Variants in THADA observed in about 807,000 individuals in gnomAD.
THADA encodes the protein THADA armadillo repeat containing, also known as tRNA (32-2'-O)-methyltransferase regulator THADA.
THADA carries 213 observed loss-of-function variants against 219.8 expected under a neutral mutation model. The ratio of observed to expected loss-of-function variants is 0.97; its 90% CI spans 0.87 to 1.09. The LOEUF (loss-of-function observed/expected upper bound fraction) is 1.09, where lower values mean the gene tolerates loss of function less well. Ranked by LOEUF, THADA falls within the 50% of genes least tolerant of loss-of-function variation. The pLI is 0.00. For synonymous variants in THADA, 1,018 were observed against 828.9 expected (o/e 1.23, Z -3.92); for missense variants, 2,956 against 2,311.3 (o/e 1.28, Z -5.72).
intron 30 of THADA, among the ~76,000 whole-genome samples, chr2:43,325,053 T>C (rs1188222463): frequency 1.3e-5 from 2 of 152,206 alleles, no homozygotes; most frequent in East Asian, 3.9e-4. Context: ...TTTTTTACCA[T>C]TTGTCCTTTT....
chr2:43,407,055 C>T (rs894819527), intron 28 of THADA, among the ~76,000 whole-genome samples: 2 of 152,208 alleles, frequency 1.3e-5, no homozygotes, highest in Non-Finnish European at 2.9e-5. Context: ...CAGCATGTCG[C>T]CTTTCCTTGC....
Position 43,279,755 on chromosome 2 carries a change from AACGAGGT to A in THADA, c.5296+3_5296+9del, listed in dbSNP as rs1468997156. ...CGATAAGACAATGCAAAAGGATAAG[AACGAGGT>A]ACCTGTTGACTGGCAGGTATTTTCT... On this transcript the variant is annotated splice_donor_5th_base_variant and intron_variant, in intron 36 of 37. Coordinates refer to ENST00000405975, the MANE Select transcript of THADA (RefSeq NM_022065.5). The A allele has an allele frequency of 9.0e-6, 14 of 1,547,098 alleles. No individual in the cohort carries two copies. The highest frequency in any genetic ancestry group is 1.0e-5 in the Non-Finnish European group (12 of 1,145,590).
At chr2:43,460,629 T>C (rs1683527341) in intron 26 of THADA, among the ~76,000 whole-genome samples, 1 of 152,136 alleles carries the variant, frequency 6.6e-6, no homozygotes, top group African/African-American at 2.4e-5. Context: ...AGGACACTCG[T>C]ACATAAAAGA....
intron 36 of THADA, among the ~76,000 whole-genome samples, chr2:43,248,216 CAGAG>C (rs1265680923): frequency 7.2e-5 from 6 of 83,246 alleles, no homozygotes; most frequent in African/African-American, 1.6e-4. Context: ...GAGAGAGAGA[CAGAG>C]AGAGAGAGAG....
chr2:43,471,585 C>T (rs1684911241), intron 26 of THADA, among the ~76,000 whole-genome samples: 3 of 152,142 alleles, frequency 2.0e-5, no homozygotes, highest in Non-Finnish European at 2.9e-5. Context: ...GTAAGTTTCT[C>T]TGAGAAGTAG....
chr2:43,401,524 C>T (rs543606561), intron 28 of THADA, among the ~76,000 whole-genome samples: 2 of 152,266 alleles, frequency 1.3e-5, no homozygotes, highest in South Asian at 2.1e-4. Context: ...GTGATCCACT[C>T]GCCTCAGCCT....
intron 23 of THADA, among the ~76,000 whole-genome samples, chr2:43,507,946 T>C (rs572003530): frequency 6.6e-6 from 1 of 152,322 alleles, no homozygotes; most frequent in South Asian, 2.1e-4. Flanking sequence ...AAGCAGTGTG[T>C]ATGTTTTCAT....
At chr2:43,354,502 C>A (rs912584138) in intron 29 of THADA, among the ~76,000 whole-genome samples, 5 of 151,176 alleles carry the variant, frequency 3.3e-5, no homozygotes, top group Non-Finnish European at 7.4e-5. Flanking sequence ...CATTAACTAT[C>A]CCCCTTTCCT....
chr2:43,573,074 T>C, intron 11 of THADA, 82 bp from the exon 12 acceptor site: 1 of 1,130,934 alleles, frequency 8.8e-7, no homozygotes, highest in South Asian at 2.1e-5. Context: ...ATGTTTCCAA[T>C]TAACATTTTA....
At chr2:43,400,199 T>C (rs1674626133) in intron 28 of THADA, among the ~76,000 whole-genome samples, 2 of 152,086 alleles carry the variant, frequency 1.3e-5, no homozygotes, top group South Asian at 4.1e-4. Flanking sequence ...GATTCTGGCA[T>C]CCATACAAGA....
chr2:43,591,708 G>T (rs554199737), intron 3 of THADA, among the ~76,000 whole-genome samples: 43 of 152,040 alleles, frequency 2.8e-4, no homozygotes, highest in Non-Finnish European at 5.3e-4. Context: ...CACAAAAGAG[G>T]TATGCACATT....
At chr2:43,248,615 C>T (rs755481841) in intron 36 of THADA, among the ~76,000 whole-genome samples, 49 of 152,294 alleles carry the variant, frequency 3.2e-4, no homozygotes, top group African/African-American at 1.0e-3. Flanking sequence ...AATTAATGTT[C>T]ATATAATTCA....
At chr2:43,402,773 C>A (rs141789415) in intron 28 of THADA, among the ~76,000 whole-genome samples, 10 of 152,306 alleles carry the variant, frequency 6.6e-5, no homozygotes, top group Non-Finnish European at 1.5e-4. Context: ...GAGAAGTAAA[C>A]ACAAGCTGCT....
chr2:43,523,868 T>C (rs995064929), intron 22 of THADA, among the ~76,000 whole-genome samples: 2 of 152,266 alleles, frequency 1.3e-5, no homozygotes, highest in African/African-American at 4.8e-5. Context: ...TTTAGAATTA[T>C]AATCAATGAT....
At chr2:43,444,037 C>T (rs13414140) in intron 26 of THADA, among the ~76,000 whole-genome samples, 25,194 of 152,066 alleles carry the variant, frequency 0.17, 3,010 homozygotes, top group African/African-American at 0.33. Flanking sequence ...GGCACCATTT[C>T]GTTTTATTTT....
At chr2:43,485,609 T>A (rs886395058) in intron 25 of THADA, among the ~76,000 whole-genome samples, 4 of 152,196 alleles carry the variant, frequency 2.6e-5, no homozygotes, top group African/African-American at 9.6e-5. Context: ...ACTTAGAGCA[T>A]CAAATAACAC....
chr2:43,519,882 T>C (rs1335828441), intron 22 of THADA, among the ~76,000 whole-genome samples: 2 of 152,190 alleles, frequency 1.3e-5, no homozygotes, highest in East Asian at 1.9e-4. Flanking sequence ...AAAAGCAGAA[T>C]AGAGTTCTGA....
chr2:43,235,621 G>C (rs1358935152), intron 36 of THADA, among the ~76,000 whole-genome samples: 1 of 152,066 alleles, frequency 6.6e-6, no homozygotes. Flanking sequence ...GTCTCCTTAA[G>C]GCAAGGACTG....
At chr2:43,477,520 T>C (rs1685689472) in intron 26 of THADA, among the ~76,000 whole-genome samples, 1 of 152,228 alleles carries the variant, frequency 6.6e-6, no homozygotes, top group South Asian at 2.1e-4. Context: ...TGCTACTCAA[T>C]TTAGAAGTGG....
Sources: allele counts gnomAD v4.1 joint callset (sites outside exome capture counted in the v4.1 genomes callset), GRCh38; gene constraint gnomAD v4.1.1; transcripts MANE v1.5; gene names NCBI Gene and HGNC (gene_info 2026-07-23, HGNC 2026-07-21).